Variants in PHTF2 observed in about 807,000 individuals in gnomAD.
The protein encoded by PHTF2 is putative homeodomain transcription factor 2.
In PHTF2, 60 loss-of-function variants were observed where a neutral mutation model predicts 101.2. That is an observed-to-expected ratio of 0.59 (90% CI 0.48 to 0.73). PHTF2 has a LOEUF of 0.73. PHTF2 is among the 30% of genes least tolerant of loss of function. The pLI is 0.00. For missense variants in PHTF2, 747 were observed against 908.7 expected (o/e 0.82, Z 2.29); for synonymous variants, 311 against 307.3 (o/e 1.01, Z -0.13).
rs151217104 is a variant in PHTF2, at chr7:77,877,325, C to T, written c.148-16283C>T. On this transcript the variant is annotated intron_variant, in intron 3 of 19. Transcript: ENST00000416283. Reference sequence around the variant, plus strand: ...TTCACTGTGTCGGTCAGGCTGGTCTCGAACTCCTGACCTCATGATCCCCGC... The same window carrying T: ...TTCACTGTGTCGGTCAGGCTGGTCTTGAACTCCTGACCTCATGATCCCCGC... Among the ~76,000 whole-genome samples, 15 of 152,038 alleles carry T rather than the reference C, an allele frequency of 9.9e-5. 1 individual carries two copies. The highest frequency in any genetic ancestry group is 2.7e-4 in the African/African-American group (11 of 41,458).
intron 2 of PHTF2, among the ~76,000 whole-genome samples, chr7:77,850,531 A>G (rs574490949): frequency 2.7e-5 from 4 of 150,896 alleles, no homozygotes; most frequent in Admixed American, 6.6e-5. Context: ...AGTTGCAACT[A>G]CTTGGGAGGT....
intron 3 of PHTF2, among the ~76,000 whole-genome samples, chr7:77,859,647 G>A (rs1460729795): frequency 6.7e-6 from 1 of 149,656 alleles, no homozygotes. Context: ...TACTGCAGCC[G>A]CAACCTCCCA....
rs1218067989 is a variant in PHTF2 at position 77,932,586 on chromosome 7, AAGAG to A, written c.1338+3271_1338+3274del. On this transcript the variant is annotated intron_variant, in intron 12 of 19. Coordinates refer to ENST00000416283, the Ensembl canonical transcript of PHTF2. ...AGAGAGAGGGAGAGAGAGAAAGAGG[AAGAG>A]AGAGAGAGAGAAAGAGAGAGAGAGA... 8.3e-3 allele frequency among the ~76,000 whole-genome samples: 1,099 copies of A among 133,006 alleles called. 16 individuals carry two copies. Among genetic ancestry groups the A allele is most frequent in the African/African-American group, 0.031 (1,056 of 33,834 alleles). The allele number at this position is 133,006 out of a possible 152,430, so 87.3% of individuals were successfully genotyped here.
intron 3 of PHTF2, among the ~76,000 whole-genome samples, chr7:77,890,507 CA>C (rs1412011115): frequency 6.6e-6 from 1 of 151,048 alleles, no homozygotes; most frequent in East Asian, 1.9e-4. Context: ...AAAATACTGC[CA>C]AAATAGTTAT....
intron 1 of PHTF2, among the ~76,000 whole-genome samples, chr7:77,830,827 A>G (rs1795022943): frequency 6.6e-6 from 1 of 152,234 alleles, no homozygotes; most frequent in Non-Finnish European, 1.5e-5. Context: ...TAGTCCATGC[A>G]TGACCCGCCC....
At chr7:77,849,002 T>A (rs879007608) in intron 2 of PHTF2, among the ~76,000 whole-genome samples, 1 of 152,200 alleles carries the variant, frequency 6.6e-6, no homozygotes, top group Admixed American at 6.5e-5. Flanking sequence ...ATCGTGATGT[T>A]CTTGGTACCT....
chr7:77,930,041 C>T (rs1344190875), intron 12 of PHTF2, among the ~76,000 whole-genome samples: 1 of 150,750 alleles, frequency 6.6e-6, no homozygotes, highest in Non-Finnish European at 1.5e-5. Context: ...GCAACCTTCG[C>T]CTCCCAGGTT....
intron 3 of PHTF2, among the ~76,000 whole-genome samples, chr7:77,872,436 C>T (rs1207902348): frequency 2.0e-5 from 3 of 152,166 alleles, no homozygotes; most frequent in African/African-American, 7.2e-5. Flanking sequence ...AGTTTTACTT[C>T]TAGGAACACT....
chr7:77,838,443 A>T (rs1160382331), intron 1 of PHTF2, among the ~76,000 whole-genome samples: 1 of 152,214 alleles, frequency 6.6e-6, no homozygotes, highest in East Asian at 1.9e-4. Context: ...ACAAAAACTG[A>T]TTGCATGTAT....
intron 1 of PHTF2, among the ~76,000 whole-genome samples, chr7:77,831,928 G>T (rs1364168237): frequency 1.3e-5 from 2 of 152,196 alleles, no homozygotes; most frequent in Admixed American, 6.5e-5. Context: ...GCTCTGTGAG[G>T]AAATGGATGC....
intron 15 of PHTF2, 47 bp from the exon 15 acceptor site, chr7:77,942,653 T>C (rs1805722684): frequency 9.6e-7 from 1 of 1,040,080 alleles, no homozygotes; most frequent in Non-Finnish European, 1.4e-6. Flanking sequence ...GATTAGTAAA[T>C]ATATTTTAAA....
chr7:77,879,497 C>G (rs1173865246), intron 3 of PHTF2, among the ~76,000 whole-genome samples: 1 of 152,146 alleles, frequency 6.6e-6, no homozygotes, highest in Non-Finnish European at 1.5e-5. Context: ...TCCATTCCCT[C>G]CCTTTCCTGT....
rs145837058 is a variant in PHTF2, at chr7:77,914,083, G to GA, written c.776+3684dup. Among the ~76,000 whole-genome samples the GA allele has an allele frequency of 4.4e-3, 629 of 143,256 alleles. 1 individual carries two copies. Among genetic ancestry groups the GA allele is most frequent in the Non-Finnish European group, 8.0e-3 (521 of 65,088 alleles). The allele number at this position is 143,256 out of a possible 152,430, so 94.0% of individuals were successfully genotyped here. On this transcript the variant is annotated intron_variant, in intron 9 of 19. Transcript: ENST00000416283. ...TCTGTCTCAAAAAAAAAAAAAAAAG[G>GA]AAAAAAAAAAGAAATATCTAATAAG...
chr7:77,827,514 C>T (rs985671709), intron 1 of PHTF2, among the ~76,000 whole-genome samples: 9 of 151,908 alleles, frequency 5.9e-5, no homozygotes, highest in East Asian at 1.9e-4. Context: ...CCACCACGCC[C>T]GGCTAGTTTT....
chr7:77,837,737 T>C (rs1295647706), intron 1 of PHTF2, among the ~76,000 whole-genome samples: 7 of 152,192 alleles, frequency 4.6e-5, no homozygotes, highest in Non-Finnish European at 1.0e-4. Flanking sequence ...ATAAAGTCTT[T>C]GCGATTATTT....
chr7:77,860,025 A>C (rs925360318), intron 3 of PHTF2, among the ~76,000 whole-genome samples: 11 of 152,208 alleles, frequency 7.2e-5, no homozygotes, highest in Admixed American at 6.5e-4. Flanking sequence ...TAATAATAAC[A>C]TTCTTTCACT....
intron 11 of PHTF2, among the ~76,000 whole-genome samples, chr7:77,927,157 CAAAAAAAAA>C (rs869210694): frequency 0.016 from 579 of 36,542 alleles, 6 homozygotes; most frequent in African/African-American, 0.041. Context: ...GACTCCATCT[CAAAAAAAAA>C]AAAAAAAAAA....
At chr7:77,880,652 A>G (rs1799332687) in intron 3 of PHTF2, among the ~76,000 whole-genome samples, 3 of 151,942 alleles carry the variant, frequency 2.0e-5, no homozygotes, top group African/African-American at 4.8e-5. Flanking sequence ...TTGATACCCC[A>G]TGCCTGGCTA....
At chr7:77,939,924 A>G (rs1805499210) in intron 13 of PHTF2, 106 bp from the exon 13 acceptor site, 4 of 806,416 alleles carry the variant, frequency 5.0e-6, no homozygotes, top group Non-Finnish European at 7.6e-6. Flanking sequence ...CAGAATGAGT[A>G]TATTTTAACA....
Sources: allele counts gnomAD v4.1 joint callset (sites outside exome capture counted in the v4.1 genomes callset), GRCh38; gene constraint gnomAD v4.1.1; transcripts MANE v1.5; gene names NCBI Gene and HGNC (gene_info 2026-07-23, HGNC 2026-07-21).